The following SASH1 variants were observed in gnomAD, a reference collection of about 807,000 sequenced individuals.
The protein encoded by SASH1 is SAM and SH3 domain-containing protein 1.
In SASH1, 44 loss-of-function variants were observed where a neutral mutation model predicts 125.2. The ratio of observed to expected loss-of-function variants is 0.35; its 90% CI spans 0.28 to 0.45. The LOEUF (loss-of-function observed/expected upper bound fraction) is 0.45, where lower values mean the gene tolerates loss of function less well. Ranked by LOEUF, SASH1 falls within the 20% of genes least tolerant of loss-of-function variation. The pLI is 1.00. For missense variants in SASH1, 1,426 were observed against 1,614.5 expected, an observed-to-expected ratio of 0.88 and a Z score of 2.00; for synonymous variants, 639 against 649.1, an observed-to-expected ratio of 0.98 and a Z score of 0.24.
intron 1 of SASH1, among the ~76,000 whole-genome samples, chr6:148,353,435 ATTTTTT>A (rs377513066): frequency 9.2e-6 from 1 of 108,800 alleles, no homozygotes; most frequent in Non-Finnish European, 1.8e-5. Flanking sequence ...TTTAAGATTG[ATTTTTT>A]TTTTTTTTTT....
intron 5 of SASH1, 173 bp downstream of exon 5, chr6:148,468,758 A>C (rs556555363): frequency 1.2e-4 from 63 of 532,686 alleles, no homozygotes; most frequent in African/African-American, 1.1e-3. Context: ...AAAAAATATA[A>C]TTGTGATCAT....
intron 17 of SASH1, among the ~76,000 whole-genome samples, chr6:148,541,097 G>A (rs532243317): frequency 1.3e-5 from 2 of 152,018 alleles, no homozygotes; most frequent in South Asian, 2.1e-4. Context: ...GGTCAGGTGG[G>A]CTAAACGTTA....
chr6:148,363,604 C>G (rs1355421659), intron 1 of SASH1, among the ~76,000 whole-genome samples: 1 of 151,916 alleles, frequency 6.6e-6, no homozygotes, highest in Non-Finnish European at 1.5e-5. Context: ...GTTTCACCAT[C>G]TTGGCCATGC....
chr6:148,398,598 C>T (rs2114859086), intron 2 of SASH1, among the ~76,000 whole-genome samples: 1 of 152,284 alleles, frequency 6.6e-6, no homozygotes, highest in Middle Eastern at 3.4e-3. Context: ...TTCTTATCCC[C>T]ATAGGATAAG....
Position 148,456,237 on chromosome 6 carries a change from C to T in SASH1, c.387-12308C>T, listed in dbSNP as rs187968621. 2.0e-4 allele frequency among the ~76,000 whole-genome samples: 31 copies of T among 152,238 alleles called. No homozygotes were observed. The East Asian group carries it at 5.6e-3, about 28-fold the overall frequency. On this transcript the variant is annotated intron_variant, in intron 4 of 19. Coordinates refer to ENST00000367467, the MANE Select transcript of SASH1 (RefSeq NM_015278.5). ...TAAGGGCCAGCCCCCTGCTGCCTCA[C>T]TTTCCCCCTAGGTTCTTGCACATTT...
intron 4 of SASH1, among the ~76,000 whole-genome samples, chr6:148,443,072 G>T (rs946599813): frequency 3.3e-5 from 5 of 149,886 alleles, no homozygotes; most frequent in Non-Finnish European, 7.4e-5. Context: ...CACCGTGCCA[G>T]CTGTATTTGT....
intron 8 of SASH1, among the ~76,000 whole-genome samples, chr6:148,492,311 A>G (rs1398497187): frequency 6.6e-6 from 1 of 152,244 alleles, no homozygotes; most frequent in African/African-American, 2.4e-5. Flanking sequence ...GCTGGTCAGA[A>G]CCATTAGCTA....
chr6:148,258,845 C>G, the SASH1 span, among the ~76,000 whole-genome samples: 1 of 152,180 alleles, frequency 6.6e-6, no homozygotes, highest in Non-Finnish European at 1.5e-5. Flanking sequence ...AAACTCAATA[C>G]AAGTTGAATG....
At chr6:148,396,984 C>G (rs961738087) in intron 2 of SASH1, among the ~76,000 whole-genome samples, 3 of 151,826 alleles carry the variant, frequency 2.0e-5, no homozygotes, top group Non-Finnish European at 4.4e-5. Flanking sequence ...TGAAGAGTAT[C>G]CATTACTTGT....
rs534993829 is a variant in SASH1 at position 148,533,584 on chromosome 6, C to A, written c.1735-187C>A. On this transcript the variant is annotated intron_variant, in intron 14 of 19. Transcript: ENST00000367467. The surrounding 1 kb of genome is among the most constrained non-coding windows in gnomAD (Gnocchi z 6.2). ...GTGGAATTCCGTACAGTCAGAGACA[C>A]CTGTCTGGCCTCTGCGGAGCTCACA... is the stretch of plus-strand genomic sequence containing the variant. Among the ~76,000 whole-genome samples the A allele has an allele frequency of 6.6e-6, 1 of 152,240 alleles. No individual in the cohort carries two copies. Among genetic ancestry groups the A allele is most frequent in the Admixed American group, 6.5e-5 (1 of 15,300 alleles).
intron 2 of SASH1, among the ~76,000 whole-genome samples, chr6:148,427,190 C>T (rs1775860510): frequency 6.6e-6 from 1 of 151,726 alleles, no homozygotes; most frequent in Admixed American, 6.6e-5. Flanking sequence ...GGGATGAGAA[C>T]AGGGAGGGTG....
chr6:148,276,535 C>A (rs549836772), intron 1 of SASH1, among the ~76,000 whole-genome samples: 2 of 151,598 alleles, frequency 1.3e-5, no homozygotes, highest in African/African-American at 4.9e-5. Context: ...TGTAAGTGTG[C>A]GAAAGAAAAA....
intron 19 of SASH1, among the ~76,000 whole-genome samples, chr6:148,547,171 A>G (rs1323786816): frequency 6.6e-6 from 1 of 152,188 alleles, no homozygotes; most frequent in African/African-American, 2.4e-5. Context: ...CCACGTGCGA[A>G]TGGCCAGCAT....
At chr6:148,332,588 A>G (rs1247865576) in intron 1 of SASH1, among the ~76,000 whole-genome samples, 3 of 141,836 alleles carry the variant, frequency 2.1e-5, no homozygotes, top group Non-Finnish European at 4.6e-5. Context: ...CAAATCCAAC[A>G]GAGCTTTAAA....
At chr6:148,242,746 G>T in the SASH1 span, among the ~76,000 whole-genome samples, 1 of 152,096 alleles carries the variant, frequency 6.6e-6, no homozygotes, top group Non-Finnish European at 1.5e-5. Context: ...TACTATGGGG[G>T]CCTCAGGGTC....
chr6:148,547,026 T>C (rs1007674001), intron 19 of SASH1, among the ~76,000 whole-genome samples: 3 of 152,174 alleles, frequency 2.0e-5, no homozygotes, highest in Non-Finnish European at 2.9e-5. Flanking sequence ...TCTTTTTCCT[T>C]CACAATTTCA....
intron 2 of SASH1, among the ~76,000 whole-genome samples, chr6:148,392,683 T>G (rs905243509): frequency 2.0e-5 from 3 of 152,242 alleles, no homozygotes; most frequent in Admixed American, 6.5e-5. Context: ...TTCTTTTATG[T>G]TCACCAATTT....
chr6:148,513,526 GC>G (rs1780269702), intron 8 of SASH1: 1 of 985,380 alleles, frequency 1.0e-6, no homozygotes, highest in East Asian at 1.1e-4. Context: ...ATTGTTTTTA[GC>G]CTGGGTCACT....
intron 1 of SASH1, among the ~76,000 whole-genome samples, chr6:148,382,689 T>C (rs964204641): frequency 1.3e-5 from 2 of 152,278 alleles, no homozygotes; most frequent in Middle Eastern, 3.4e-3. Context: ...AATCCTGCCT[T>C]CTGGGAGGCC....
Sources: gnomAD v4.1 joint callset for allele counts (sites outside exome capture counted in the v4.1 genomes callset) on GRCh38, gnomAD v4.1.1 for gene constraint, Gnocchi (gnomAD v3.1) non-coding constraint, MANE v1.5 for transcripts, NCBI Gene and HGNC (gene_info 2026-07-23, HGNC 2026-07-21) for gene names.